NTM: variants seen among roughly 807,000 people sequenced by gnomAD.
NTM encodes the protein neurotrimin, also known as IgLON family member 2.
NTM carries 13 observed loss-of-function variants against 42.1 expected under a neutral mutation model. That is an observed-to-expected ratio of 0.31 (90% CI 0.20 to 0.49). The LOEUF is 0.49. NTM is among the 20% of genes least tolerant of loss of function. The probability of loss-of-function intolerance (pLI) is 0.99; values close to 1 mark genes in which losing one functional copy is unlikely to be tolerated. For missense variants in NTM, 373 were observed against 452.8 expected (o/e 0.82, Z 1.60); for synonymous variants, 187 against 179.2 (o/e 1.04, Z -0.35).
chr11:131,605,883 C>G (rs948919319), intron 1 of NTM: 3 of 983,126 alleles, frequency 3.1e-6, no homozygotes, highest in Non-Finnish European at 3.6e-6. Flanking sequence ...TTCACCACCC[C>G]ACTCTATTAA....
intron 1 of NTM, among the ~76,000 whole-genome samples, chr11:131,517,586 C>T (rs553395351): frequency 6.6e-6 from 1 of 151,858 alleles, no homozygotes; most frequent in African/African-American, 2.4e-5. Context: ...TCAAGCATCA[C>T]TCTTTTTTTT....
intron 1 of NTM, among the ~76,000 whole-genome samples, chr11:131,754,865 G>T (rs958249137): frequency 6.6e-6 from 1 of 152,134 alleles, no homozygotes; most frequent in Non-Finnish European, 1.5e-5. Flanking sequence ...AAAGGAATGC[G>T]CTATTGATAC....
chr11:131,391,489 A>T (rs1159449414), intron 1 of NTM, among the ~76,000 whole-genome samples: 1 of 152,044 alleles, frequency 6.6e-6, no homozygotes, highest in African/African-American at 2.4e-5. Context: ...TCCATTAAAC[A>T]TTCTCGCAAG....
chr11:131,409,740 A>T (rs566190817), intron 1 of NTM, among the ~76,000 whole-genome samples: 2 of 152,350 alleles, frequency 1.3e-5, no homozygotes, highest in Non-Finnish European at 2.9e-5. Flanking sequence ...TTTTGCATTC[A>T]TAAAGCCTGC....
At chr11:132,044,395 G>A (rs2077691265) in intron 2 of NTM, among the ~76,000 whole-genome samples, 2 of 152,148 alleles carry the variant, frequency 1.3e-5, no homozygotes, top group South Asian at 4.1e-4. Context: ...GAGTCAGTGA[G>A]ACACTGTGTG....
Position 132,295,312 on chromosome 11 carries a change from T to C in NTM, c.527-12377T>C, listed in dbSNP as rs375898091. 8.5e-5 allele frequency among the ~76,000 whole-genome samples: 13 copies of C among 152,290 alleles called. 3 individuals are homozygous for C. The highest frequency in any genetic ancestry group is 3.9e-4 in the Admixed American group (6 of 15,294). ...TAGGCTAGAACAGCCATCAAAAGTC[T>C]AGTCAGCTAGTTTATTCATTCAACC... On this transcript the variant is annotated intron_variant, in intron 4 of 8. Coordinates refer to ENST00000683400, the MANE Select transcript of NTM (RefSeq NM_001352005.2).
chr11:131,433,188 A>G (rs1275477402), intron 1 of NTM, among the ~76,000 whole-genome samples: 1 of 152,116 alleles, frequency 6.6e-6, no homozygotes, highest in African/African-American at 2.4e-5. Context: ...ATCACATTTA[A>G]TTCTTCCATT....
At chr11:131,755,466 A>G (rs1054725253) in intron 1 of NTM, among the ~76,000 whole-genome samples, 1 of 152,180 alleles carries the variant, frequency 6.6e-6, no homozygotes, top group Non-Finnish European at 1.5e-5. Context: ...GCCAAAAAAT[A>G]CTGGATGACC....
chr11:131,720,825 C>T (rs1004820554), intron 1 of NTM, among the ~76,000 whole-genome samples: 9 of 152,132 alleles, frequency 5.9e-5, no homozygotes, highest in Non-Finnish European at 1.2e-4. Context: ...ATTACCTAGC[C>T]TCTCTCTGCC....
intron 6 of NTM, among the ~76,000 whole-genome samples, chr11:132,311,979 T>TTCAGTTCTTCTGTTTCTG (rs2095294341): frequency 2.4e-5 from 1 of 41,856 alleles, no homozygotes; most frequent in Non-Finnish European, 3.8e-5. Flanking sequence ...GTTTCTGTCT[T>TTCAGTTCTTCTGTTTCTG]TCTTTCAGTT....
intron 1 of NTM, among the ~76,000 whole-genome samples, chr11:131,746,022 G>A (rs565145058): frequency 7.9e-5 from 12 of 152,128 alleles, no homozygotes; most frequent in Admixed American, 5.9e-4. Context: ...AAAAGAACAG[G>A]GCCCTGTGAG....
intron 1 of NTM, among the ~76,000 whole-genome samples, chr11:131,896,037 C>G (rs534698462): frequency 6.6e-6 from 1 of 152,292 alleles, no homozygotes; most frequent in Non-Finnish European, 1.5e-5. Context: ...GATTGTCAGT[C>G]TTAAGAGTTG....
At chr11:131,546,481 T>G (rs893864746) in intron 1 of NTM, among the ~76,000 whole-genome samples, 1 of 152,176 alleles carries the variant, frequency 6.6e-6, no homozygotes, top group Admixed American at 6.5e-5. Flanking sequence ...ACTGAAAAAT[T>G]GCCTATCAAT....
intron 3 of NTM, among the ~76,000 whole-genome samples, chr11:132,208,404 A>G (rs1479839560): frequency 6.6e-6 from 1 of 152,170 alleles, no homozygotes; most frequent in Non-Finnish European, 1.5e-5. Flanking sequence ...TTTCTCACTC[A>G]CCCAAGGGCA....
rs962345135 is a variant in NTM at position 131,760,970 on chromosome 11, A to C, written c.83-150594A>C. On this transcript the variant is annotated intron_variant, in intron 1 of 8. Transcript: ENST00000683400. ...GAGCCTTCCTAGCTCCTGGGAGAGA[A>C]TTATCAGGGCTGCTGTTGTTTTTGA... Among the ~76,000 whole-genome samples the C allele has an allele frequency of 3.3e-5, 5 of 151,492 alleles. No homozygotes were observed. The East Asian group carries it at 7.9e-4, about 24-fold the overall frequency.
intron 2 of NTM, among the ~76,000 whole-genome samples, chr11:131,990,991 TGAC>T (rs2066917469): frequency 1.3e-5 from 2 of 152,126 alleles, no homozygotes; most frequent in African/African-American, 4.8e-5. Context: ...ACAAGAACAC[TGAC>T]TTCAGGTACA....
chr11:132,024,040 G>C (rs1235481686), intron 2 of NTM, among the ~76,000 whole-genome samples: 1 of 151,732 alleles, frequency 6.6e-6, no homozygotes, highest in African/African-American at 2.4e-5. Flanking sequence ...AGGAGGTCTC[G>C]ATCTCCTGAC....
intron 1 of NTM, among the ~76,000 whole-genome samples, chr11:131,672,494 C>T (rs1195896287): frequency 1.3e-5 from 2 of 152,196 alleles, no homozygotes; most frequent in Non-Finnish European, 1.5e-5. Flanking sequence ...AGTGCCTCAC[C>T]CTTTCAGTCT....
At chr11:132,101,630 T>C (rs1451173829) in intron 2 of NTM, among the ~76,000 whole-genome samples, 1 of 151,780 alleles carries the variant, frequency 6.6e-6, no homozygotes, top group East Asian at 1.9e-4. Context: ...CTGTTCCATA[T>C]AATGCAGGCC....
Sources: allele counts gnomAD v4.1 joint callset (sites outside exome capture counted in the v4.1 genomes callset), GRCh38; gene constraint gnomAD v4.1.1; transcripts MANE v1.5; gene names NCBI Gene and HGNC (gene_info 2026-07-23, HGNC 2026-07-21).